SUDS3: variants seen among roughly 807,000 people sequenced by gnomAD.
The protein encoded by SUDS3 is SIN3A corepressor complex component SDS3, also known as sin3 histone deacetylase corepressor complex component SDS3.
In SUDS3, 23 loss-of-function variants were observed where a neutral mutation model predicts 53.5. The observed-to-expected ratio is 0.43, with a 90% confidence interval of 0.31 to 0.61. The LOEUF (loss-of-function observed/expected upper bound fraction) is 0.61. Among genes scored for constraint, SUDS3 ranks in the 20% least tolerant of loss-of-function variants. The pLI is 0.10. For missense variants in SUDS3, 291 were observed against 405.9 expected, an observed-to-expected ratio of 0.72 and a Z score of 2.43; for synonymous variants, 150 against 148.5, an observed-to-expected ratio of 1.01 and a Z score of -0.08.
intron 10 of SUDS3, among the ~76,000 whole-genome samples, chr12:118,406,505 G>A (rs2141388310): frequency 6.6e-6 from 1 of 152,300 alleles, no homozygotes; most frequent in South Asian, 2.1e-4. Context: ...AAATAGTACA[G>A]TAGTGGTAAT....
chr12:118,400,402 A>T (rs914380056), intron 6 of SUDS3, among the ~76,000 whole-genome samples: 2 of 152,292 alleles, frequency 1.3e-5, no homozygotes, highest in African/African-American at 4.8e-5. Context: ...AGAGATGCCC[A>T]CAGTGGCTGT....
intron 11 of SUDS3, among the ~76,000 whole-genome samples, 186 bp downstream of exon 11, chr12:118,411,343 C>G (rs1004663669): frequency 6.6e-6 from 1 of 152,156 alleles, no homozygotes; most frequent in South Asian, 2.1e-4. Flanking sequence ...TCCTTACATT[C>G]GCTTGACTAC....
chr12:118,383,956 T>C (rs1276681017), intron 2 of SUDS3, 56 bp from the exon 3 acceptor site: 2 of 1,509,916 alleles, frequency 1.3e-6, no homozygotes, highest in Non-Finnish European at 1.8e-6. Flanking sequence ...GTAGGTTATT[T>C]TGGAATTGAG....
At position 118,376,706 on chromosome 12, in the gene SUDS3, G is replaced by C. The variant is rs1305715831; in HGVS notation, c.15G>C (p.Gly5=). 6.6e-7 allele frequency: 1 copy of C among 1,516,678 alleles called. No homozygotes were observed. The highest frequency in any genetic ancestry group is 2.6e-5 in the East Asian group (1 of 38,736). The allele number at this position is 1,516,678 out of a possible 1,614,324, so 94.0% of individuals were successfully genotyped here. A position where few individuals can be genotyped will look rare whatever the true frequency, so the allele number is the denominator to read the frequency against. The part of the protein sequence containing the change: MSAA[G]LLAPAPAQAG... The stretch of plus-strand genomic sequence containing the variant: ...TCAGAGGCGACATGAGTGCCGCGGG[G>C]CTGCTGGCCCCGGCCCCGGCCCAGG... The change falls in exon 1 of 12, where the codon GGG becomes GGC. Residue 5 remains glycine, a synonymous_variant. Transcript: ENST00000543473.
chr12:118,400,841 C>G, intron 7 of SUDS3, 87 bp downstream of exon 7: 7 of 1,208,820 alleles, frequency 5.8e-6, no homozygotes, highest in Non-Finnish European at 7.4e-6. Context: ...TACACATGGC[C>G]GTTGTCCTAC....
At chr12:118,380,994 C>T (rs913917303) in intron 2 of SUDS3, among the ~76,000 whole-genome samples, 3 of 152,138 alleles carry the variant, frequency 2.0e-5, no homozygotes, top group Admixed American at 6.5e-5. Flanking sequence ...CGAGCCACTG[C>T]GCCCGGACCT....
chr12:118,384,972 G>A (rs910938209), intron 3 of SUDS3, among the ~76,000 whole-genome samples: 5 of 152,224 alleles, frequency 3.3e-5, no homozygotes, highest in Non-Finnish European at 7.3e-5. Context: ...AAGCAAGTAA[G>A]AGTAGATGTG....
intron 6 of SUDS3, among the ~76,000 whole-genome samples, chr12:118,400,164 C>T (rs751184551): frequency 2.2e-4 from 33 of 152,054 alleles, no homozygotes; most frequent in Non-Finnish European, 4.7e-4. Flanking sequence ...GAAAAAAAAT[C>T]CGAGTCTGTA....
intron 1 of SUDS3, among the ~76,000 whole-genome samples, chr12:118,377,673 C>CTG (rs1235783965): frequency 6.6e-6 from 1 of 152,034 alleles, no homozygotes; most frequent in Non-Finnish European, 1.5e-5. Context: ...GTGAGGAACG[C>CTG]TATTTTGGAG....
rs375288763 is a variant in SUDS3, at chr12:118,398,614, C to CTTT, written c.518-2028_518-2026dup. 2.2e-3 allele frequency among the ~76,000 whole-genome samples: 252 copies of CTTT among 113,286 alleles called. 5 individuals carry two copies. Among genetic ancestry groups the CTTT allele is most frequent in the African/African-American group, 2.3e-3 (67 of 29,554 alleles). The allele number at this position is 113,286 out of a possible 152,430, so 74.3% of individuals were successfully genotyped here. A position where few individuals can be genotyped will look rare whatever the true frequency, so the allele number is the denominator to read the frequency against. ...TCTCTTAAGAGCAACATGCAGAAGCCTTTTTTTTTTTTTTTTTTTCAAATT... is the reference window on the plus strand; with the variant it reads ...TCTCTTAAGAGCAACATGCAGAAGCCTTTTTTTTTTTTTTTTTTTTTTCAAATT... On this transcript the variant is annotated intron_variant, in intron 6 of 11. Transcript: ENST00000543473.
In SUDS3 at chr12:118,416,636, A is replaced by G. The variant is rs1437226992; in HGVS notation, c.*2203A>G. ...TACATTTCTAATCCCAGAGGACTTA[A>G]TATTTTCTTTTGTCACCCCAGAGGT... is the stretch of plus-strand genomic sequence containing the variant. On this transcript the variant is annotated 3_prime_UTR_variant, in exon 12 of 12. Transcript: ENST00000543473. The G allele has an allele frequency of 1.3e-5, 2 of 152,206 alleles. No homozygotes were observed. The highest frequency in any genetic ancestry group is 4.8e-5 in the African/African-American group (2 of 41,450). The allele number at this position is 152,206 out of a possible 1,614,324, so 9.4% of individuals were successfully genotyped here. A position where few individuals can be genotyped will look rare whatever the true frequency, so the allele number is the denominator to read the frequency against.
intron 3 of SUDS3, 73 bp downstream of exon 3, chr12:118,384,140 T>A: frequency 1.4e-6 from 2 of 1,464,668 alleles, no homozygotes; most frequent in Non-Finnish European, 1.9e-6. Context: ...TCTGTGTATT[T>A]CACTTCTCTG....
At chr12:118,377,442 G>C (rs1331696242) in intron 1 of SUDS3, among the ~76,000 whole-genome samples, 2 of 152,078 alleles carry the variant, frequency 1.3e-5, no homozygotes, top group Non-Finnish European at 2.9e-5. Flanking sequence ...TCCTAGGGTC[G>C]GTATAGGGAT....
At chr12:118,412,841 C>CAT (rs1284680131) in intron 11 of SUDS3, among the ~76,000 whole-genome samples, 1 of 152,158 alleles carries the variant, frequency 6.6e-6, no homozygotes, top group African/African-American at 2.4e-5. Flanking sequence ...GACACTGAAA[C>CAT]ACGTCTTCTG....
At chr12:118,393,341 A>G (rs1260369792) in intron 6 of SUDS3, among the ~76,000 whole-genome samples, 1 of 152,202 alleles carries the variant, frequency 6.6e-6, no homozygotes, top group Non-Finnish European at 1.5e-5. Context: ...GCAAAGTAGG[A>G]TAAGACGCTG....
In SUDS3 at chr12:118,386,433, C is replaced by G. The variant is rs765095857; in HGVS notation, c.340+248C>G. Among the ~76,000 whole-genome samples the G allele has an allele frequency of 2.0e-5, 3 of 152,172 alleles. No individual in the cohort carries two copies. The South Asian group carries it at 6.2e-4, about 32-fold the overall frequency. ...GCTCCTTGGAGTTAGGTTGTTCTCC[C>G]TGGTACCCCAAGAGTAGTCTTGCAC... On this transcript the variant is annotated intron_variant, in intron 4 of 11. Coordinates refer to ENST00000543473, the MANE Select transcript of SUDS3 (RefSeq NM_022491.3).
In SUDS3 at chr12:118,411,951, G is replaced by A. The variant is rs752639512; in HGVS notation, c.888+794G>A. The stretch of plus-strand genomic sequence containing the variant: ...GATTGAATGAGGCACCTGGCACAGG[G>A]TCTAGCACCCAGTAAGTGCTCACTA... On this transcript the variant is annotated intron_variant, in intron 11 of 11. Coordinates refer to ENST00000543473, the MANE Select transcript of SUDS3 (RefSeq NM_022491.3). Among the ~76,000 whole-genome samples the A allele has an allele frequency of 1.3e-4, 20 of 152,188 alleles. 1 individual carries two copies.
chr12:118,380,140 C>G lies in SUDS3; in HGVS notation c.143-22C>G, dbSNP rs1268378566. On this transcript the variant is annotated intron_variant, in intron 1 of 11. Transcript: ENST00000543473. Reference sequence around the variant, plus strand: ...CCGTGAATTATGATTTTAACTAGCCCCTATTTCCTAACTTTATTCAGACAC... The same window carrying G: ...CCGTGAATTATGATTTTAACTAGCCGCTATTTCCTAACTTTATTCAGACAC... 4 of 1,592,134 alleles carry G rather than the reference C, an allele frequency of 2.5e-6. No individual in the cohort carries two copies. In the Admixed American group the frequency reaches 7.0e-5, roughly 28 times the overall value.
At chr12:118,396,683 T>G (rs1236843611) in intron 6 of SUDS3, among the ~76,000 whole-genome samples, 1 of 152,252 alleles carries the variant, frequency 6.6e-6, no homozygotes, top group South Asian at 2.1e-4. Flanking sequence ...TTGTACACTA[T>G]AGGCAGGTAT....
Sources: allele counts gnomAD v4.1 joint callset (sites outside exome capture counted in the v4.1 genomes callset), GRCh38; gene constraint gnomAD v4.1.1; transcripts MANE v1.5; gene names NCBI Gene and HGNC (gene_info 2026-07-23, HGNC 2026-07-21).